SEL1L3: variants seen among roughly 807,000 people sequenced by gnomAD.
SEL1L3 encodes the protein SEL1L family member 3.
Under a neutral mutation model 142.8 loss-of-function variants are expected in SEL1L3, and 76 were observed. The ratio of observed to expected loss-of-function variants is 0.53; its 90% CI spans 0.44 to 0.64. The LOEUF is 0.64. Ranked by LOEUF, SEL1L3 falls within the 30% of genes least tolerant of loss-of-function variation. The pLI is 0.00. For synonymous variants in SEL1L3, 504 were observed against 519.6 expected (o/e 0.97, Z 0.41); for missense variants, 1,262 against 1,381.7 (o/e 0.91, Z 1.37).
chr4:25,797,054 A>T (rs982034211), intron 11 of SEL1L3, among the ~76,000 whole-genome samples: 2 of 151,124 alleles, frequency 1.3e-5, no homozygotes, highest in Non-Finnish European at 3.0e-5. Flanking sequence ...TGGAGAGAGA[A>T]AGAGGAGAGG....
downstream of SEL1L3, among the ~76,000 whole-genome samples, chr4:25,742,458 T>C (rs6848781): frequency 0.48 from 72,795 of 151,838 alleles, 19,986 homozygotes; most frequent in African/African-American, 0.76. Flanking sequence ...CCACCACACC[T>C]GGCTAATTTT....
chr4:25,802,412 T>C lies in SEL1L3; in HGVS notation c.1827A>G (p.Ser609=). ...VGGQGSERLS[S]MNLGYKHYQG... is the part of the protein sequence containing the mutation. ...GGTAGTGTTTATACCCAAGATTCAT[T>C]GAAGACAGCCTCTCACTCCCCTGGC... The change falls in exon 11 of 24, where the codon TCA becomes TCG. Residue 609 remains serine, a synonymous_variant. Transcript: ENST00000399878. 6.2e-7 allele frequency: 1 copy of C among 1,613,904 alleles called. No individual in the cohort carries two copies. Among genetic ancestry groups the C allele is most frequent in the Non-Finnish European group, 8.5e-7 (1 of 1,179,842 alleles).
In SEL1L3 at chr4:25,788,620, G is replaced by A. The variant is rs1712048058; in HGVS notation, c.2077-256C>T. ...TGTGTGTGTGTGTGTGTGTGTGTGT[G>A]TATCTACTGTACCCAGGACCAGGGC... On this transcript the variant is annotated intron_variant, in intron 12 of 23. Coordinates refer to ENST00000399878, the MANE Select transcript of SEL1L3 (RefSeq NM_015187.5). The surrounding 1 kb of genome is among the most constrained non-coding windows in gnomAD (Gnocchi z 5.3). Among the ~76,000 whole-genome samples, 2 of 127,486 alleles carry A rather than the reference G, an allele frequency of 1.6e-5. No homozygotes were observed. Among genetic ancestry groups the A allele is most frequent in the East Asian group, 2.3e-4 (1 of 4,326 alleles). The allele number at this position is 127,486 out of a possible 152,430, so 83.6% of individuals were successfully genotyped here.
intron 15 of SEL1L3, 56 bp from the exon 16 acceptor site, chr4:25,779,259 A>C: frequency 6.2e-7 from 1 of 1,603,504 alleles, no homozygotes; most frequent in Non-Finnish European, 8.5e-7. Context: ...GTTTCGCCAG[A>C]GACAAGGTGA....
intron 9 of SEL1L3, among the ~76,000 whole-genome samples, chr4:25,810,391 G>T (rs1713940547): frequency 6.6e-6 from 1 of 152,144 alleles, no homozygotes. Context: ...CACCAGCCCA[G>T]TCCTCATCGC....
the SEL1L3 span, among the ~76,000 whole-genome samples, chr4:25,730,416 G>C: frequency 6.6e-6 from 1 of 152,016 alleles, no homozygotes; most frequent in Admixed American, 6.6e-5. Flanking sequence ...GAGGAAACTA[G>C]TTAGTCCGAT....
intron 9 of SEL1L3, among the ~76,000 whole-genome samples, chr4:25,816,808 C>T (rs1714421024): frequency 1.3e-5 from 2 of 152,140 alleles, no homozygotes; most frequent in African/African-American, 4.8e-5. Context: ...ACATGCTGTG[C>T]TGTTACCACC....
At chr4:25,820,873 T>C (rs1438224654) in intron 7 of SEL1L3, among the ~76,000 whole-genome samples, 1 of 152,138 alleles carries the variant, frequency 6.6e-6, no homozygotes, top group Non-Finnish European at 1.5e-5. Context: ...CTCTGCCTCC[T>C]GGGTTCAAGT....
Sources: gnomAD v4.1 joint callset for allele counts (sites outside exome capture counted in the v4.1 genomes callset) on GRCh38, gnomAD v4.1.1 for gene constraint, Gnocchi (gnomAD v3.1) non-coding constraint, MANE v1.5 for transcripts, NCBI Gene and HGNC (gene_info 2026-07-23, HGNC 2026-07-21) for gene names.